AANAT: variants seen among roughly 807,000 people sequenced by gnomAD.
AANAT encodes aralkylamine N-acetyltransferase.
Under a neutral mutation model 15.6 loss-of-function variants are expected in AANAT, and 11 were observed. The ratio of observed to expected loss-of-function variants is 0.71; its 90% CI spans 0.44 to 1.17. The LOEUF (loss-of-function observed/expected upper bound fraction) is 1.17, where lower values mean the gene tolerates loss of function less well. Ranked by LOEUF, AANAT falls within the 50% of genes most tolerant of loss-of-function variation. The pLI is 0.00. For missense variants in AANAT, 286 were observed against 296.3 expected (o/e 0.97, Z 0.26); for synonymous variants, 139 against 131.5 (o/e 1.06, Z -0.39).
intron 2 of AANAT, among the ~76,000 whole-genome samples, chr17:76,461,987 G>A (rs2073393154): frequency 6.6e-6 from 1 of 152,214 alleles, no homozygotes; most frequent in South Asian, 2.1e-4. Flanking sequence ...GAGCCATCCA[G>A]GGACAGAGGT....
upstream of AANAT, among the ~76,000 whole-genome samples, chr17:76,467,327 C>T (rs967342547): frequency 2.0e-5 from 3 of 152,160 alleles, no homozygotes; most frequent in African/African-American, 7.2e-5. Context: ...CTCCGAGGGA[C>T]AGAGGGAGAA....
chr17:76,455,268 A>G (rs537740610), intron 1 of AANAT, among the ~76,000 whole-genome samples: 51 of 152,238 alleles, frequency 3.4e-4, no homozygotes, highest in Non-Finnish European at 6.3e-4. Flanking sequence ...CCTGGCCAAC[A>G]TGGCAAAACC....
upstream of AANAT, among the ~76,000 whole-genome samples, chr17:76,464,356 A>AAAAG (rs1452866280): frequency 6.6e-6 from 1 of 151,904 alleles, no homozygotes; most frequent in African/African-American, 2.4e-5. Context: ...AAAAAAAAAA[A>AAAAG]AAGAATATTC....
At chr17:76,456,107 G>A (rs1036282809) in intron 1 of AANAT, among the ~76,000 whole-genome samples, 7 of 152,076 alleles carry the variant, frequency 4.6e-5, no homozygotes, top group Non-Finnish European at 8.8e-5. Context: ...TGAGGCAGGC[G>A]GATCACTTGA....
chr17:76,460,676 C>T (rs12945905), intron 2 of AANAT, among the ~76,000 whole-genome samples: 22,822 of 152,096 alleles, frequency 0.15, 1,865 homozygotes, highest in Non-Finnish European at 0.18. Flanking sequence ...TACTATTGGG[C>T]AGTTTGGCTC....
chr17:76,469,474 G>C lies in AANAT; in HGVS notation c.318+147G>C. ...AGGCCACAGGCCCCTCCCAGAGCAA[G>C]ACCTTCTGGGTCTTCAAGTTTTCTC... On this transcript the variant is annotated intron_variant, in intron 3 of 3. Coordinates refer to ENST00000392492, the MANE Select transcript of AANAT (RefSeq NM_001088.3). The surrounding 1 kb of genome is among the most constrained non-coding windows in gnomAD (Gnocchi z 5.2). 7.8e-7 allele frequency: 1 copy of C among 1,283,708 alleles called. No individual in the cohort carries two copies. The highest frequency in any genetic ancestry group is 1.5e-5 in the South Asian group (1 of 68,588). 79.5% of individuals were successfully genotyped at this position (1,283,708 alleles called of 1,614,324 possible).
chr17:76,455,669 A>C (rs2073336846), intron 1 of AANAT, among the ~76,000 whole-genome samples: 1 of 152,204 alleles, frequency 6.6e-6, no homozygotes, highest in Non-Finnish European at 1.5e-5. Context: ...AGAAGGCAGA[A>C]TCCCAGCTCT....
At chr17:76,458,645 C>G (rs1441657177) in intron 1 of AANAT, among the ~76,000 whole-genome samples, 2 of 152,094 alleles carry the variant, frequency 1.3e-5, no homozygotes, top group Non-Finnish European at 2.9e-5. Flanking sequence ...GCAGAGTGAA[C>G]TGGTCTCAGG....
In AANAT at chr17:76,468,921, C is replaced by G; in HGVS notation, c.163+12C>G. ...GATCGAGCGTGAAGGTGAGTGGCCC[C>G]GCACAGGGTCAGAGGGATGCTCCAC... On this transcript the variant is annotated intron_variant, in intron 2 of 3. Coordinates refer to ENST00000392492, the MANE Select transcript of AANAT (RefSeq NM_001088.3). 2 of 1,610,444 alleles carry G rather than the reference C, an allele frequency of 1.2e-6. No homozygotes were observed. Among genetic ancestry groups the G allele is most frequent in the Non-Finnish European group, 8.5e-7 (1 of 1,178,024 alleles).
At chr17:76,453,523 G>A (rs550690542) in exon 1 of AANAT, 50 of 178,296 alleles carry the variant, frequency 2.8e-4, no homozygotes, top group African/African-American at 1.1e-3. Flanking sequence ...CTCCCTTGGC[G>A]TCCTAGCCTA....
intron 1 of AANAT, among the ~76,000 whole-genome samples, chr17:76,456,182 T>C (rs1226717302): frequency 6.6e-6 from 1 of 150,940 alleles, no homozygotes; most frequent in East Asian, 2.0e-4. Context: ...AAATACAAAA[T>C]TAGCCAGGCA....
intron 1 of AANAT, among the ~76,000 whole-genome samples, chr17:76,454,632 G>A (rs2073320985): frequency 6.6e-6 from 1 of 151,042 alleles, no homozygotes. Context: ...AGACCGCCCT[G>A]GCCAACATGG....
Position 76,469,183 on chromosome 17 carries a change from C to G in AANAT, c.174C>G (p.Ser58=), listed in dbSNP as rs368679164. The G allele has an allele frequency of 1.2e-6, 2 of 1,614,028 alleles. No homozygotes were observed. Residue 58 remains serine, a synonymous_variant, in exon 3 of 4, where the codon TCC becomes TCG. Coordinates refer to ENST00000392492, the MANE Select transcript of AANAT (RefSeq NM_001088.3). The surrounding 1 kb of genome is among the most constrained non-coding windows in gnomAD (Gnocchi z 5.2). ...AFEIEREAFI[S]VLGVCPLYLD... ...AGCCTCCTGCCACAGCCTTCATCTCCGTCTTGGGCGTCTGCCCCCTGTACC... is the reference window on the plus strand; with the variant it reads ...AGCCTCCTGCCACAGCCTTCATCTCGGTCTTGGGCGTCTGCCCCCTGTACC...
intron 1 of AANAT, among the ~76,000 whole-genome samples, chr17:76,455,866 A>G (rs1277236157): frequency 1.3e-5 from 2 of 152,144 alleles, no homozygotes; most frequent in Non-Finnish European, 2.9e-5. Context: ...ACACAAAATT[A>G]GCCAGGTGTA....
chr17:76,460,387 G>T (rs969632683), intron 2 of AANAT, among the ~76,000 whole-genome samples: 1 of 151,834 alleles, frequency 6.6e-6, no homozygotes, highest in African/African-American at 2.4e-5. Context: ...CCTGACCTCA[G>T]GTGATCCACC....
chr17:76,457,679 T>C (rs1285612546), intron 1 of AANAT, among the ~76,000 whole-genome samples: 1 of 152,080 alleles, frequency 6.6e-6, no homozygotes, highest in African/African-American at 2.4e-5. Context: ...TGGACCATGT[T>C]GTATTTGTGT....
intron 1 of AANAT, chr17:76,453,899 G>A (rs934857644): frequency 1.3e-5 from 2 of 152,198 alleles, no homozygotes; most frequent in Admixed American, 6.5e-5. Context: ...AGCTAAGAGT[G>A]GGGACCACGG....
At chr17:76,462,735 C>T (rs1317892291), upstream of AANAT, among the ~76,000 whole-genome samples, 1 of 152,170 alleles carries the variant, frequency 6.6e-6, no homozygotes, top group African/African-American at 2.4e-5. Flanking sequence ...TGCTCAGTGC[C>T]AGGTCTGTGG....
chr17:76,460,129 AATTTTTTTTTTTTTTTT>A (rs754883829), intron 2 of AANAT, among the ~76,000 whole-genome samples: 4 of 82,886 alleles, frequency 4.8e-5, no homozygotes, highest in Non-Finnish European at 7.0e-5. Context: ...TACTTCAGGA[AATTTTTTTTTTTTTTTT>A]TTTTTTTTTT....
Sources: gnomAD v4.1 joint callset for allele counts (sites outside exome capture counted in the v4.1 genomes callset) on GRCh38, gnomAD v4.1.1 for gene constraint, Gnocchi (gnomAD v3.1) non-coding constraint, MANE v1.5 for transcripts, NCBI Gene and HGNC (gene_info 2026-07-23, HGNC 2026-07-21) for gene names.